MARCHF3: variants seen among roughly 807,000 people sequenced by gnomAD.
The protein encoded by MARCHF3 is E3 ubiquitin-protein ligase MARCHF3.
Under a neutral mutation model 24.2 loss-of-function variants are expected in MARCHF3, and 13 were observed. That is an observed-to-expected ratio of 0.54 (90% CI 0.35 to 0.85). The LOEUF (loss-of-function observed/expected upper bound fraction) is 0.85, where lower values mean the gene tolerates loss of function less well. MARCHF3 is among the 40% of genes least tolerant of loss of function. The pLI is 0.01. For synonymous variants in MARCHF3, 144 were observed against 137.3 expected (o/e 1.05, Z -0.34); for missense variants, 276 against 325.0 (o/e 0.85, Z 1.16).
At position 126,980,916 on chromosome 5, in the gene MARCHF3, ACTAT is replaced by A. The variant is rs1316228734; in HGVS notation, c.-57+49430_-57+49433del. On this transcript the variant is annotated intron_variant, in intron 1 of 4. Coordinates refer to ENST00000308660, the MANE Select transcript of MARCHF3 (RefSeq NM_178450.5). Reference sequence around the variant, plus strand: ...ACAGAGATGTTAAAATTGTTTTTAGACTATCTGTGGATTTCCAATATTCCATCCA... The same window carrying A: ...ACAGAGATGTTAAAATTGTTTTTAGACTGTGGATTTCCAATATTCCATCCA... 5.3e-5 allele frequency among the ~76,000 whole-genome samples: 8 copies of A among 152,298 alleles called. No homozygotes were observed. The South Asian group carries it at 1.2e-3, about 24-fold the overall frequency.
At chr5:126,923,436 C>G (rs1467795333) in intron 1 of MARCHF3, among the ~76,000 whole-genome samples, 1 of 152,084 alleles carries the variant, frequency 6.6e-6, no homozygotes, top group Non-Finnish European at 1.5e-5. Context: ...AAAAATGACT[C>G]AAAAGGTTTA....
chr5:127,004,806 T>G (rs1253167576), intron 1 of MARCHF3, among the ~76,000 whole-genome samples: 4 of 152,084 alleles, frequency 2.6e-5, no homozygotes, highest in Admixed American at 1.3e-4. Context: ...ATTGGTGCTC[T>G]TTGGCAATAT....
rs1190606767 is a variant in MARCHF3, at chr5:126,869,494, C to T, written c.*1139G>A. Reference sequence around the variant, plus strand: ...ATTTCGGACTGTGACAGAATTGGCTCATGGTTGGGGGAAGGCACTGTGTGG... The same window carrying T: ...ATTTCGGACTGTGACAGAATTGGCTTATGGTTGGGGGAAGGCACTGTGTGG... On this transcript the variant is annotated 3_prime_UTR_variant, in exon 5 of 5. Transcript: ENST00000308660. The T allele has an allele frequency of 1.3e-5, 2 of 149,484 alleles. No homozygotes were observed. The highest frequency in any genetic ancestry group is 3.0e-5 in the Non-Finnish European group (2 of 67,592). The allele number at this position is 149,484 out of a possible 1,614,324, so 9.3% of individuals were successfully genotyped here.
chr5:126,912,351 C>T (rs1449176536), intron 3 of MARCHF3, among the ~76,000 whole-genome samples: 1 of 152,160 alleles, frequency 6.6e-6, no homozygotes, highest in African/African-American at 2.4e-5. Flanking sequence ...TAGATGCTGA[C>T]AAATAAAATT....
At chr5:126,935,549 C>T (rs1348565883) in intron 1 of MARCHF3, among the ~76,000 whole-genome samples, 2 of 145,334 alleles carry the variant, frequency 1.4e-5, no homozygotes. Context: ...AGAACACTAA[C>T]AGAGCAGAAA....
intron 4 of MARCHF3, among the ~76,000 whole-genome samples, chr5:126,872,091 T>C (rs1031268916): frequency 6.7e-6 from 1 of 149,816 alleles, no homozygotes; most frequent in African/African-American, 2.5e-5. Context: ...TTTTTTTTTT[T>C]TTTTTGAGAC....
Position 127,014,432 on chromosome 5 carries a change from C to T in MARCHF3, c.-57+15918G>A, listed in dbSNP as rs189509171. Among the ~76,000 whole-genome samples, 609 of 152,064 alleles carry T rather than the reference C, an allele frequency of 4.0e-3. 1 individual carries two copies. Among genetic ancestry groups the T allele is most frequent in the Middle Eastern group, 0.017 (5 of 294 alleles). ...AAAAACTAAAAACAGAACTACTGTA[C>T]GATCCAGCAATCCCACAATTGGGAA... is the stretch of plus-strand genomic sequence containing the variant. On this transcript the variant is annotated intron_variant, in intron 1 of 4. Transcript: ENST00000308660.
chr5:126,878,443 C>T (rs777224375), intron 3 of MARCHF3, 49 bp from the exon 4 acceptor site: 2 of 1,547,370 alleles, frequency 1.3e-6, no homozygotes, highest in Non-Finnish European at 1.8e-6. Flanking sequence ...GGTTAAATGC[C>T]AGTGTGGAGT....
intron 1 of MARCHF3, among the ~76,000 whole-genome samples, chr5:127,021,077 T>A (rs1233357310): frequency 1.3e-5 from 2 of 152,244 alleles, no homozygotes; most frequent in Non-Finnish European, 2.9e-5. Context: ...CTTGATCTAT[T>A]TGTTACAGCA....
chr5:126,945,624 G>T (rs1749984839), intron 1 of MARCHF3, among the ~76,000 whole-genome samples: 1 of 152,196 alleles, frequency 6.6e-6, no homozygotes, highest in South Asian at 2.1e-4. Flanking sequence ...AGAGAGGTAA[G>T]AGATTCAACT....
chr5:127,008,117 A>G (rs906540940), intron 1 of MARCHF3, among the ~76,000 whole-genome samples: 13 of 152,164 alleles, frequency 8.5e-5, no homozygotes, highest in African/African-American at 2.7e-4. Context: ...TTCTTTGGGT[A>G]TAAAAAAAAT....
At chr5:127,027,486 G>C (rs185575783) in intron 1 of MARCHF3, among the ~76,000 whole-genome samples, 1 of 152,272 alleles carries the variant, frequency 6.6e-6, no homozygotes, top group East Asian at 1.9e-4. Flanking sequence ...ATGTGAATTA[G>C]GACTGGCAAA....
intron 3 of MARCHF3, among the ~76,000 whole-genome samples, chr5:126,889,156 T>C (rs943884942): frequency 2.0e-5 from 3 of 152,152 alleles, no homozygotes; most frequent in African/African-American, 7.2e-5. Context: ...GGAAGGTTAC[T>C]GGTGTCTAAT....
chr5:126,970,332 C>T (rs931500323), intron 1 of MARCHF3, among the ~76,000 whole-genome samples: 2 of 152,188 alleles, frequency 1.3e-5, no homozygotes, highest in African/African-American at 4.8e-5. Context: ...AGATGATACA[C>T]CCACCTCAGC....
chr5:126,896,107 A>C (rs1753896821), intron 3 of MARCHF3, among the ~76,000 whole-genome samples: 1 of 152,140 alleles, frequency 6.6e-6, no homozygotes, highest in African/African-American at 2.4e-5. Context: ...TTTGACTCAG[A>C]AAGGGAACTC....
At chr5:127,015,535 C>A (rs1316222032) in intron 1 of MARCHF3, among the ~76,000 whole-genome samples, 1 of 152,182 alleles carries the variant, frequency 6.6e-6, no homozygotes, top group Non-Finnish European at 1.5e-5. Context: ...CAAAAGCACA[C>A]ACTTTAGTGG....
chr5:127,021,603 C>T (rs928828720), intron 1 of MARCHF3, among the ~76,000 whole-genome samples: 6 of 152,158 alleles, frequency 3.9e-5, no homozygotes, highest in African/African-American at 1.4e-4. Flanking sequence ...CATTTAATGT[C>T]TTCATTGCTA....
chr5:126,990,336 C>T (rs1390294466), intron 1 of MARCHF3, among the ~76,000 whole-genome samples: 1 of 152,070 alleles, frequency 6.6e-6, no homozygotes, highest in African/African-American at 2.4e-5. Context: ...GGAAAACTGG[C>T]TAGCCATATG....
At chr5:126,914,767 A>AACACACATAC (rs1554065046) in intron 3 of MARCHF3, 163 bp downstream of exon 3, 2 of 432,098 alleles carry the variant, frequency 4.6e-6, no homozygotes, top group Non-Finnish European at 8.3e-6. Flanking sequence ...CTCTTTCTCA[A>AACACACATAC]ACACACACAC....
Sources: allele counts gnomAD v4.1 joint callset (sites outside exome capture counted in the v4.1 genomes callset), GRCh38; gene constraint gnomAD v4.1.1; transcripts MANE v1.5; gene names NCBI Gene and HGNC (gene_info 2026-07-23, HGNC 2026-07-21).